The following RIMKLA variants were observed in gnomAD, a reference collection of about 807,000 sequenced individuals.
RIMKLA encodes the protein ribosomal modification protein rimK like family member A, also known as N-acetylaspartylglutamate synthase A.
Under a neutral mutation model 32.7 loss-of-function variants are expected in RIMKLA, and 14 were observed. That is an observed-to-expected ratio of 0.43 (90% CI 0.28 to 0.67). The LOEUF (loss-of-function observed/expected upper bound fraction) is 0.67, where lower values mean the gene tolerates loss of function less well. RIMKLA is among the 30% of genes least tolerant of loss of function. The pLI, the probability that RIMKLA is intolerant of heterozygous loss-of-function variation, is 0.18. For missense variants in RIMKLA, 410 were observed against 519.0 expected (o/e 0.79, Z 2.04); for synonymous variants, 176 against 204.1 (o/e 0.86, Z 1.18).
chr1:42,380,946 G>C lies in RIMKLA; in HGVS notation c.12G>C (p.Gln4His). Residue 4 changes from glutamine to histidine, a missense_variant, in exon 1 of 5, where the codon CAG becomes CAC. Transcript: ENST00000431473. ...CCGCCCTGGCCGCCATGTGCTCCCA[G>C]CTCTGGTTCCTGACGGACCGGCGCA... Reference protein sequence around the residue: MCSQLWFLTDRRIR... With the variant: MCSHLWFLTDRRIR... 5 of 1,442,332 alleles carry C rather than the reference G, an allele frequency of 3.5e-6. No individual in the cohort carries two copies. The South Asian group carries it at 4.1e-5, about 12-fold the overall frequency. 89.3% of individuals were successfully genotyped at this position (1,442,332 alleles called of 1,614,324 possible).
At position 42,386,781 on chromosome 1, in the gene RIMKLA, A is replaced by C. The variant is rs1471545846; in HGVS notation, c.163+5684A>C. ...GCACCTGTAAATCCAGCTACTCGGG[A>C]GGCTGAGGTGGGAGAATCACTTGAA... is the stretch of plus-strand genomic sequence containing the variant. On this transcript the variant is annotated intron_variant, in intron 1 of 4. Coordinates refer to ENST00000431473, the MANE Select transcript of RIMKLA (RefSeq NM_173642.4). 3.3e-5 allele frequency among the ~76,000 whole-genome samples: 5 copies of C among 151,704 alleles called. No homozygotes were observed. In the East Asian group the frequency reaches 9.7e-4, roughly 29 times the overall value.
chr1:42,399,783 GA>G, intron 2 of RIMKLA, 149 bp downstream of exon 2: 1 of 619,084 alleles, frequency 1.6e-6, no homozygotes, highest in Non-Finnish European at 2.8e-6. Context: ...CTTTCTATCT[GA>G]AAATGCCTTG....
chr1:42,412,461 G>A, intron 4 of RIMKLA: 1 of 332,422 alleles, frequency 3.0e-6, no homozygotes, highest in Admixed American at 3.6e-5. Flanking sequence ...CACAGGCCAT[G>A]ATGGCCATGA....
intron 2 of RIMKLA, among the ~76,000 whole-genome samples, chr1:42,402,426 G>C (rs1472769125): frequency 6.6e-6 from 1 of 152,148 alleles, no homozygotes; most frequent in African/African-American, 2.4e-5. Context: ...AGGTGACCGA[G>C]GAGGAAGATC....
intron 1 of RIMKLA, among the ~76,000 whole-genome samples, chr1:42,390,765 A>G (rs1025063984): frequency 6.6e-6 from 1 of 152,210 alleles, no homozygotes; most frequent in African/African-American, 2.4e-5. Flanking sequence ...ATTGCCAGAC[A>G]TTAAGGGTGC....
At chr1:42,399,767 C>G (rs1409829189) in intron 2 of RIMKLA, 133 bp downstream of exon 2, 1 of 633,792 alleles carries the variant, frequency 1.6e-6, no homozygotes, top group Non-Finnish European at 2.7e-6. Flanking sequence ...AAATCTTTAT[C>G]CTGGCCTTTC....
intron 1 of RIMKLA, among the ~76,000 whole-genome samples, chr1:42,384,749 T>C (rs748640608): frequency 4.6e-5 from 7 of 151,716 alleles, no homozygotes; most frequent in Non-Finnish European, 1.0e-4. Flanking sequence ...TGGCTGAGAG[T>C]TAGGACCAAT....
chr1:42,397,404 A>G (rs1643056706), intron 1 of RIMKLA, among the ~76,000 whole-genome samples: 1 of 152,206 alleles, frequency 6.6e-6, no homozygotes, highest in Non-Finnish European at 1.5e-5. Context: ...TAAAGCCTAT[A>G]AAATATCTCT....
At chr1:42,385,848 T>TCTCTC (rs1557749953) in intron 1 of RIMKLA, among the ~76,000 whole-genome samples, 1 of 16,690 alleles carries the variant, frequency 6.0e-5, no homozygotes, top group African/African-American at 1.6e-4. Flanking sequence ...TTCTTTCTCT[T>TCTCTC]TCTTTCTTTC....
chr1:42,403,998 C>T (rs1643122470), intron 2 of RIMKLA, among the ~76,000 whole-genome samples: 1 of 152,238 alleles, frequency 6.6e-6, no homozygotes. Flanking sequence ...TGGCAGTTTG[C>T]TCCTTCAAGG....
At chr1:42,395,741 A>G (rs112544312) in intron 1 of RIMKLA, among the ~76,000 whole-genome samples, 18 of 152,312 alleles carry the variant, frequency 1.2e-4, no homozygotes, top group African/African-American at 4.1e-4. Context: ...AGAGGAGATT[A>G]CTTAAGTGGT....
chr1:42,389,947 A>G (rs1205987383), intron 1 of RIMKLA, among the ~76,000 whole-genome samples: 1 of 152,120 alleles, frequency 6.6e-6, no homozygotes, highest in Non-Finnish European at 1.5e-5. Context: ...TAAACAGTCT[A>G]AGAGTTTTGT....
intron 2 of RIMKLA, among the ~76,000 whole-genome samples, chr1:42,401,179 A>T (rs12143707): frequency 5.9e-5 from 9 of 151,824 alleles, no homozygotes; most frequent in East Asian, 1.9e-4. Flanking sequence ...AGGGTTAGAG[A>T]TCCTATGAGA....
At chr1:42,397,561 A>G (rs943202503) in intron 1 of RIMKLA, among the ~76,000 whole-genome samples, 14 of 152,148 alleles carry the variant, frequency 9.2e-5, no homozygotes, top group Admixed American at 3.3e-4. Flanking sequence ...CATCTCCCCA[A>G]AATTTTTTTT....
At chr1:42,394,931 G>A (rs1040730564) in intron 1 of RIMKLA, among the ~76,000 whole-genome samples, 3 of 152,048 alleles carry the variant, frequency 2.0e-5, no homozygotes, top group African/African-American at 7.2e-5. Flanking sequence ...TAGAGACGGG[G>A]TTTCATCATG....
rs1461106364 is a variant in RIMKLA at position 42,416,946 on chromosome 1, T to C, written c.*1972T>C. ...ACTGTAACCCTAGTAATGTGTCTTG[T>C]ACAGTTGAAAAATAATACTTCACCT... On this transcript the variant is annotated 3_prime_UTR_variant, in exon 5 of 5. Transcript: ENST00000431473. 1.3e-5 allele frequency: 2 copies of C among 152,232 alleles called. No homozygotes were observed. Among genetic ancestry groups the C allele is most frequent in the South Asian group, 2.1e-4 (1 of 4,836 alleles). 9.4% of individuals were successfully genotyped at this position (152,232 alleles called of 1,614,324 possible). A position where few individuals can be genotyped will look rare whatever the true frequency, so the allele number is the denominator to read the frequency against.
Position 42,380,845 on chromosome 1 carries a change from A to C in RIMKLA, c.-90A>C, listed in dbSNP as rs1276292518. ...CGGAGCCGTGGCGCGCTCGCCCCGG[A>C]CGCCGGCCGCCCCTCCGCTCGCCCT... On this transcript the variant is annotated 5_prime_UTR_variant, in exon 1 of 5. Coordinates refer to ENST00000431473, the MANE Select transcript of RIMKLA (RefSeq NM_173642.4). 1.6e-5 allele frequency: 13 copies of C among 832,970 alleles called. No homozygotes were observed. The highest frequency in any genetic ancestry group is 4.8e-4 in the Middle Eastern group (1 of 2,062). The allele number at this position is 832,970 out of a possible 1,614,324, so 51.6% of individuals were successfully genotyped here. A position where few individuals can be genotyped will look rare whatever the true frequency, so the allele number is the denominator to read the frequency against.
At chr1:42,402,591 CTTT>C (rs34477169) in intron 2 of RIMKLA, among the ~76,000 whole-genome samples, 60 of 142,662 alleles carry the variant, frequency 4.2e-4, no homozygotes, top group African/African-American at 5.2e-4. Context: ...ACCTGGCTAA[CTTT>C]TTTTTTTTTT....
chr1:42,410,095 A>C lies in RIMKLA; in HGVS notation c.593A>C (p.Lys198Thr), dbSNP rs535993496. 1 of 1,614,202 alleles carries C rather than the reference A, an allele frequency of 6.2e-7. No homozygotes were observed. Among genetic ancestry groups the C allele is most frequent in the Non-Finnish European group, 8.5e-7 (1 of 1,180,016 alleles). The change falls in exon 4 of 5, where the codon AAG (lysine) becomes ACG (threonine). Residue 198 changes from lysine to threonine, a missense_variant. Lys to Thr is a moderately conservative substitution (Grantham distance 78, BLOSUM62 -1). Coordinates refer to ENST00000431473, the MANE Select transcript of RIMKLA (RefSeq NM_173642.4). ...AAGTACGTGAAGGAGTCCCATGGAA[A>C]GGACATCCGGGTGGTGGTGGTAGGG... The part of the protein sequence containing the change: ...FQKYVKESHG[K>T]DIRVVVVGGQ...
Sources: allele counts gnomAD v4.1 joint callset (sites outside exome capture counted in the v4.1 genomes callset), GRCh38; gene constraint gnomAD v4.1.1; transcripts MANE v1.5; gene names NCBI Gene and HGNC (gene_info 2026-07-23, HGNC 2026-07-21).